Variants in CD1B observed in about 807,000 individuals in gnomAD.
CD1B encodes the protein CD1b molecule, also known as T-cell surface glycoprotein CD1b.
In CD1B, 43 loss-of-function variants were observed where a neutral mutation model predicts 39.8. That is an observed-to-expected ratio of 1.08 (90% CI 0.85 to 1.39). The LOEUF (loss-of-function observed/expected upper bound fraction) is 1.39. Among genes scored for constraint, CD1B ranks in the 40% most tolerant of loss-of-function variants. The pLI, the probability that CD1B is intolerant of heterozygous loss-of-function variation, is 0.00. For synonymous variants in CD1B, 192 were observed against 152.5 expected (o/e 1.26, Z -1.91); for missense variants, 495 against 403.8 (o/e 1.23, Z -1.94).
At chr1:158,325,883 T>C (rs539409870), downstream of CD1B, among the ~76,000 whole-genome samples, 68 of 152,346 alleles carry the variant, frequency 4.5e-4, no homozygotes, top group African/African-American at 1.5e-3. Context: ...TAGTAATGAA[T>C]GAAGACCATT....
the CD1B span, chr1:158,290,230 C>A: frequency 1.0e-6 from 1 of 993,860 alleles, no homozygotes; most frequent in Non-Finnish European, 1.6e-6. Context: ...GCCATCTGAG[C>A]ATACCTGTCT....
chr1:158,317,653 T>G, the CD1B span, among the ~76,000 whole-genome samples: 1 of 152,174 alleles, frequency 6.6e-6, no homozygotes, highest in African/African-American at 2.4e-5. Context: ...TTTTTGTGTC[T>G]CTATTTCCTT....
At chr1:158,293,496 C>T in the CD1B span, 13 of 1,614,104 alleles carry the variant, frequency 8.1e-6, no homozygotes, top group Middle Eastern at 6.6e-4. Context: ...CCCTGACTCC[C>T]CCATTGTGTT....
chr1:158,304,628 ACAGAGTGACTCCT>A, the CD1B span, among the ~76,000 whole-genome samples: 1 of 152,162 alleles, frequency 6.6e-6, no homozygotes, highest in East Asian at 1.9e-4. Context: ...CTGAGAATGG[ACAGAGTGACTCCT>A]CAAGTGGGTC....
the CD1B span, among the ~76,000 whole-genome samples, chr1:158,312,106 C>T: frequency 8.5e-5 from 13 of 152,138 alleles, no homozygotes; most frequent in African/African-American, 3.1e-4. Flanking sequence ...TTTAACAATG[C>T]CAATTATTTC....
At chr1:158,330,506 G>A (rs1045356493) in intron 2 of CD1B, 2 of 611,432 alleles carry the variant, frequency 3.3e-6, no homozygotes, top group South Asian at 1.7e-5. Flanking sequence ...TCAGGCACAG[G>A]GTAGGAGAAG....
the CD1B span, among the ~76,000 whole-genome samples, chr1:158,290,859 T>G: frequency 6.6e-6 from 1 of 152,152 alleles, no homozygotes; most frequent in African/African-American, 2.4e-5. Context: ...AGCTGCAAGG[T>G]TACATGTATC....
At chr1:158,301,335 G>A in the CD1B span, among the ~76,000 whole-genome samples, 4 of 152,082 alleles carry the variant, frequency 2.6e-5, no homozygotes. Context: ...TCTTTATGAT[G>A]TTAGCTGGTT....
chr1:158,327,743 T>C (rs970784054), downstream of CD1B, among the ~76,000 whole-genome samples: 7 of 152,206 alleles, frequency 4.6e-5, no homozygotes, highest in Admixed American at 4.6e-4. Flanking sequence ...TAGGAAAGTC[T>C]TCCTGAGGAA....
chr1:158,310,877 A>T, the CD1B span, among the ~76,000 whole-genome samples: 2 of 152,180 alleles, frequency 1.3e-5, no homozygotes, highest in Non-Finnish European at 2.9e-5. Flanking sequence ...AATGTAAATT[A>T]GTTCAGCCAC....
At position 158,330,833 on chromosome 1, in the gene CD1B, T is replaced by C. The variant is rs2101717557; in HGVS notation, c.291A>G (p.Arg97=). The C allele has an allele frequency of 6.2e-7, 1 of 1,614,194 alleles. No homozygotes were observed. The highest frequency in any genetic ancestry group is 2.2e-5 in the East Asian group (1 of 44,880). Residue 97 remains arginine, a synonymous_variant, in exon 2 of 6, where the codon CGA becomes CGG. Transcript: ENST00000368168. ...IFRVYIFGFA[R]EVQDFAGDFQ... is the part of the protein sequence containing the mutation. Reference sequence around the variant, plus strand: ...AATCACCGGCAAAGTCTTGTACTTCTCGAGCGAATCCAAAGATGTAGACTC... The same window carrying C: ...AATCACCGGCAAAGTCTTGTACTTCCCGAGCGAATCCAAAGATGTAGACTC...
chr1:158,312,206 G>T, the CD1B span, among the ~76,000 whole-genome samples: 26 of 152,134 alleles, frequency 1.7e-4, no homozygotes, highest in Non-Finnish European at 3.5e-4. Flanking sequence ...TATGTTGTGG[G>T]AGGGACCTAG....
At chr1:158,328,777 A>G in intron 5 of CD1B, 144 bp downstream of exon 5, 1 of 624,464 alleles carries the variant, frequency 1.6e-6, no homozygotes, top group Non-Finnish European at 2.8e-6. Flanking sequence ...TTAAGTCCAC[A>G]TAAAACGAAT....
At chr1:158,303,774 T>A in the CD1B span, among the ~76,000 whole-genome samples, 1 of 152,200 alleles carries the variant, frequency 6.6e-6, no homozygotes, top group Non-Finnish European at 1.5e-5. Flanking sequence ...TCAGAGATTA[T>A]ACAACTGAAT....
At chr1:158,290,717 A>G in the CD1B span, among the ~76,000 whole-genome samples, 2 of 152,204 alleles carry the variant, frequency 1.3e-5, no homozygotes, top group Non-Finnish European at 2.9e-5. Flanking sequence ...AAGTTTGCTA[A>G]GAACAGAGAT....
At chr1:158,296,592 C>T in the CD1B span, among the ~76,000 whole-genome samples, 1 of 152,110 alleles carries the variant, frequency 6.6e-6, no homozygotes, top group Non-Finnish European at 1.5e-5. Flanking sequence ...TCTTTCCTAA[C>T]CAGACTAAAA....
downstream of CD1B, among the ~76,000 whole-genome samples, chr1:158,326,783 T>C (rs1652368132): frequency 6.6e-6 from 1 of 151,414 alleles, no homozygotes; most frequent in Non-Finnish European, 1.5e-5. Context: ...TTTGCACATA[T>C]AAAATTATTA....
chr1:158,309,594 A>G, the CD1B span, among the ~76,000 whole-genome samples: 11 of 152,270 alleles, frequency 7.2e-5, no homozygotes, highest in Admixed American at 5.9e-4. Context: ...ATGTCTAACA[A>G]TGATAGACTG....
Position 158,329,961 on chromosome 1 carries a change from G to A in CD1B, c.498C>T (p.Ile166=), listed in dbSNP as rs1243792289. ...GSRAQKFCAL[I]IQYQGIMETV... ...TTTCCATGATACCTTGATATTGTAT[G>A]ATTAGTGCACAGAATTTCTGTGCCC... Residue 166 remains isoleucine, a synonymous_variant, in exon 3 of 6, where the codon ATC becomes ATT. Coordinates refer to ENST00000368168, the MANE Select transcript of CD1B (RefSeq NM_001764.3). 1 of 1,614,054 alleles carries A rather than the reference G, an allele frequency of 6.2e-7. No individual in the cohort carries two copies. The highest frequency in any genetic ancestry group is 8.5e-7 in the Non-Finnish European group (1 of 1,179,982).
Sources: allele counts gnomAD v4.1 joint callset (sites outside exome capture counted in the v4.1 genomes callset), GRCh38; gene constraint gnomAD v4.1.1; transcripts MANE v1.5; gene names NCBI Gene and HGNC (gene_info 2026-07-23, HGNC 2026-07-21).